SYVN1: variants seen among roughly 807,000 people sequenced by gnomAD.
SYVN1 encodes the protein E3 ubiquitin-protein ligase synoviolin.
SYVN1 carries 17 observed loss-of-function variants against 62.6 expected under a neutral mutation model. The observed-to-expected ratio is 0.27, with a 90% CI of 0.19 to 0.41. The LOEUF (loss-of-function observed/expected upper bound fraction) is 0.41. SYVN1 is among the 10% of genes least tolerant of loss of function. The pLI is 1.00. For missense variants in SYVN1, 634 were observed against 818.0 expected (o/e 0.78, Z 2.74); for synonymous variants, 316 against 304.0 (o/e 1.04, Z -0.41).
Position 65,127,340 on chromosome 11 carries a change from A to G in SYVN1, c.*1042T>C, listed in dbSNP as rs1948113733. On this transcript the variant is annotated 3_prime_UTR_variant, in exon 16 of 16. Coordinates refer to ENST00000377190, the MANE Select transcript of SYVN1 (RefSeq NM_172230.3). ...TTTAAGCTATTAAAATTTGTACAAT[A>G]TTTACAAATTAAATAATCATCTGAA... The G allele has an allele frequency of 2.8e-6, 1 of 363,586 alleles. No individual in the cohort carries two copies. The highest frequency in any genetic ancestry group is 4.9e-6 in the Non-Finnish European group (1 of 202,104). The allele number at this position is 363,586 out of a possible 1,614,324, so 22.5% of individuals were successfully genotyped here. A position where few individuals can be genotyped will look rare whatever the true frequency, so the allele number is the denominator to read the frequency against.
Position 65,132,306 on chromosome 11 carries a change from T to A in SYVN1, c.473A>T (p.His158Leu), listed in dbSNP as rs779526858. Residue 158 changes from histidine (H) to leucine (L), a missense_variant, in exon 6 of 16, where the codon CAC becomes CTC. His to Leu is a moderately conservative substitution (Grantham distance 99). Transcript: ENST00000377190. The part of the protein sequence containing the change: ...LGILDFLFVS[H>L]AYHSILTRGA... ...ACGGGTCAGGATGCTGTGATAGGCG[T>A]GGCTGACGAAGAGGAAGTCCAGGAT... The A allele has an allele frequency of 4.0e-5, 64 of 1,614,030 alleles. No homozygotes were observed. Among genetic ancestry groups the A allele is most frequent in the Non-Finnish European group, 5.2e-5 (61 of 1,180,008 alleles).
intron 9 of SYVN1, 36 bp from the exon 10 acceptor site, chr11:65,131,072 G>A: frequency 6.2e-7 from 1 of 1,613,448 alleles, no homozygotes; most frequent in Non-Finnish European, 8.5e-7. Flanking sequence ...CAGGTCCAGA[G>A]CTGGAAGCAG....
At chr11:65,128,952 T>C in intron 14 of SYVN1, 1 of 548,554 alleles carries the variant, frequency 1.8e-6, no homozygotes, top group Non-Finnish European at 3.2e-6. Context: ...GTTGACCTGT[T>C]CACTCTTACC....
chr11:65,131,877 T>G (rs965935128), intron 6 of SYVN1, among the ~76,000 whole-genome samples: 2 of 152,210 alleles, frequency 1.3e-5, no homozygotes, highest in Non-Finnish European at 2.9e-5. Flanking sequence ...TAGGGCCTGG[T>G]GTGAAATTCG....
chr11:65,131,047 T>A lies in SYVN1; in HGVS notation c.825-11A>T, dbSNP rs556041200. On this transcript the variant is annotated splice_polypyrimidine_tract_variant and intron_variant, in intron 9 of 15. Coordinates refer to ENST00000377190, the MANE Select transcript of SYVN1 (RefSeq NM_172230.3). ...GTGGCATCTGGATACCTGGTTAGGA[T>A]GACAGGGGCTGTATCAGGTCCAGAG... 4 of 1,613,996 alleles carry A rather than the reference T, an allele frequency of 2.5e-6. No individual in the cohort carries two copies. The highest frequency in any genetic ancestry group is 4.5e-5 in the East Asian group (2 of 44,886).
intron 4 of SYVN1, 37 bp downstream of exon 4, chr11:65,132,885 G>A: frequency 6.2e-7 from 1 of 1,613,540 alleles, no homozygotes. Flanking sequence ...CTACTCCCTG[G>A]CTTCCACCTG....
In SYVN1 at chr11:65,130,290, TG is replaced by T; in HGVS notation, c.1194del (p.Ser399AlafsTer86). The T allele has an allele frequency of 6.3e-7, 1 of 1,598,456 alleles. No individual in the cohort carries two copies. The highest frequency in any genetic ancestry group is 8.5e-7 in the Non-Finnish European group (1 of 1,172,152). ...MGPFPPVPPPPSSGEAVAPPS... is the reference protein window; with the variant it reads ...MGPFPPVPPPXSSGEAVAPPS... ...GGAGGAGCCACAGCCTCTCCTGAGC[TG>T]GGGGGAGGCGGGACAGGTGGAAAGG... On this transcript the variant is annotated frameshift_variant, in exon 12 of 16. Transcript: ENST00000377190. LOFTEE classifies it high-confidence loss of function.
intron 12 of SYVN1, 25 bp from the exon 13 acceptor site, chr11:65,130,200 G>C (rs1948159203): frequency 6.2e-7 from 1 of 1,608,230 alleles, no homozygotes; most frequent in Admixed American, 1.7e-5. Flanking sequence ...CGAAGTCAGT[G>C]AGTGTTCCAT....
chr11:65,128,434 G>A lies in SYVN1; in HGVS notation c.1802C>T (p.Ala601Val), dbSNP rs1239491762. Residue 601 changes from alanine to valine, a missense_variant, in exon 16 of 16, where the codon GCA becomes GTA. This residue lies in a region of SYVN1 where 351 missense variants were observed against 373.3 expected (regional missense o/e 0.94). Transcript: ENST00000377190. ...EMPEDGEPDAAELRRRRLQKL... is the reference protein window; with the variant it reads ...EMPEDGEPDAVELRRRRLQKL... ...CTGCAGGCGGCGCCGGCGGAGCTCT[G>A]CTGCATCGGGCTCTCCATCCTCAGG... 2 of 1,613,996 alleles carry A rather than the reference G, an allele frequency of 1.2e-6. No homozygotes were observed. Among genetic ancestry groups the A allele is most frequent in the Admixed American group, 3.3e-5 (2 of 60,002 alleles).
Position 65,132,966 on chromosome 11 carries a change from A to G in SYVN1, c.334T>C (p.Phe112Leu). 6.2e-7 allele frequency: 1 copy of G among 1,614,216 alleles called. No individual in the cohort carries two copies. The highest frequency in any genetic ancestry group is 8.5e-7 in the Non-Finnish European group (1 of 1,180,028). ...GCCAGCCAGTGGAAACATTTGAGGA[A>G]GAGAAGAAGAGTGAAGAGTGCAACA... is the stretch of plus-strand genomic sequence containing the variant. ...RFVALFTLLLFLKCFHWLAED... is the reference protein window; with the variant it reads ...RFVALFTLLLLLKCFHWLAED... Residue 112 changes from phenylalanine to leucine, a missense_variant, in exon 4 of 16, where the codon TTC becomes CTC. Physicochemically the swap from Phe to Leu is conservative, Grantham distance 22. This residue lies in a region of SYVN1 where 283 missense variants were observed against 444.7 expected (regional missense o/e 0.64). Transcript: ENST00000377190.
At position 65,129,887 on chromosome 11, in the gene SYVN1, C is replaced by T. The variant is rs1429318060; in HGVS notation, c.1437G>A (p.Ala479=). Residue 479 remains alanine (A), a synonymous_variant, in exon 14 of 16, where the codon GCG becomes GCA. Coordinates refer to ENST00000377190, the MANE Select transcript of SYVN1 (RefSeq NM_172230.3). ...CCTCTGGGGTCAGCCCAGCAAAGCC[C>T]GCAGGGGGCACAGGCATTGGGGGGA... ...FAFPPMPVPP[A]GFAGLTPEEL... is the part of the protein sequence containing the mutation. The T allele has an allele frequency of 1.3e-5, 21 of 1,613,860 alleles. No homozygotes were observed. The highest frequency in any genetic ancestry group is 1.6e-4 in the Middle Eastern group (1 of 6,084).
At position 65,132,945 on chromosome 11, in the gene SYVN1, G is replaced by C. The variant is rs759000206; in HGVS notation, c.355C>G (p.Leu119Val). 6.2e-7 allele frequency: 1 copy of C among 1,614,188 alleles called. No homozygotes were observed. The highest frequency in any genetic ancestry group is 8.5e-7 in the Non-Finnish European group (1 of 1,180,038). ...ACAAAGTCCACACGGTCCTCAGCCA[G>C]CCAGTGGAAACATTTGAGGAAGAGA... is the stretch of plus-strand genomic sequence containing the variant. ...LLLFLKCFHW[L>V]AEDRVDFMER... Residue 119 changes from leucine (L) to valine (V), a missense_variant, in exon 4 of 16, where the codon CTG becomes GTG. Physicochemically the swap from Leu to Val is conservative, Grantham distance 32. This residue lies in a region of SYVN1 where 283 missense variants were observed against 444.7 expected (regional missense o/e 0.64). Transcript: ENST00000377190.
chr11:65,129,624 G>A (rs2137239307), intron 14 of SYVN1, 105 bp downstream of exon 14: 2 of 1,115,326 alleles, frequency 1.8e-6, no homozygotes, highest in African/African-American at 1.5e-5. Context: ...TAGATAGGCA[G>A]CCTGAATTGG....
rs781040557 is a variant in SYVN1 at position 65,128,565 on chromosome 11, G to A, written c.1745C>T (p.Pro582Leu). 5 of 1,614,052 alleles carry A rather than the reference G, an allele frequency of 3.1e-6. No homozygotes were observed. In the Admixed American group the frequency reaches 5.0e-5, roughly 16 times the overall value. The change falls in exon 15 of 16, where the codon CCA becomes CTA. Residue 582 changes from proline to leucine, a missense_variant and splice_region_variant. Pro to Leu is a moderately conservative substitution (Grantham distance 98, BLOSUM62 -3). Transcript: ENST00000377190. ...SPPAPEMERP[P>L]APESVGTEEM... is the part of the protein sequence containing the mutation. ...GGCTGGAGGCCAATCACACCTACCTGGAGGCCTTTCCATTTCAGGGGCTGG... is the reference window on the plus strand; with the variant it reads ...GGCTGGAGGCCAATCACACCTACCTAGAGGCCTTTCCATTTCAGGGGCTGG...
At chr11:65,134,053 AGGCGACAGCGCC>A (rs1253971991) in intron 1 of SYVN1, among the ~76,000 whole-genome samples, 1 of 152,260 alleles carries the variant, frequency 6.6e-6, no homozygotes, top group Non-Finnish European at 1.5e-5. Flanking sequence ...CAGGCTGGGC[AGGCGACAGCGCC>A]GGTGACAGCT....
Position 65,130,836 on chromosome 11 carries a change from G to A in SYVN1, c.942-13C>T, listed in dbSNP as rs1481696578. The A allele has an allele frequency of 1.3e-6, 2 of 1,586,618 alleles. No homozygotes were observed. Among genetic ancestry groups the A allele is most frequent in the African/African-American group, 1.4e-5 (1 of 73,860 alleles). On this transcript the variant is annotated splice_polypyrimidine_tract_variant and intron_variant, in intron 10 of 15. Coordinates refer to ENST00000377190, the MANE Select transcript of SYVN1 (RefSeq NM_172230.3). ...GGAGCGCAGGCAGCTGCGGGTCAAG[G>A]CCAGGCAGAGGTCAGCAGGTCCCTA... is the stretch of plus-strand genomic sequence containing the variant.
At position 65,128,487 on chromosome 11, in the gene SYVN1, A is replaced by G. The variant is rs751274344; in HGVS notation, c.1749T>C (p.Ala583=). The change falls in exon 16 of 16, where the codon GCT becomes GCC. Residue 583 remains alanine, a splice_region_variant and synonymous_variant. Transcript: ENST00000377190. ...PPAPEMERPP[A]PESVGTEEMP... ...TCTCCTCTGTGCCCACTGACTCAGG[A>G]GCTGGGGACAGAGAGACTGGAAGTG... 28 of 1,613,754 alleles carry G rather than the reference A, an allele frequency of 1.7e-5. 1 individual carries two copies. Among genetic ancestry groups the G allele is most frequent in the Middle Eastern group, 3.3e-4 (2 of 6,058 alleles).
In SYVN1 at chr11:65,128,578, T is replaced by C. The variant is rs917604667; in HGVS notation, c.1732A>G (p.Met578Val). The C allele has an allele frequency of 6.2e-7, 1 of 1,613,858 alleles. No individual in the cohort carries two copies. Among genetic ancestry groups the C allele is most frequent in the Non-Finnish European group, 8.5e-7 (1 of 1,179,976 alleles). Reference protein sequence around the residue: ...TPGASPPAPEMERPPAPESVG... With the variant: ...TPGASPPAPEVERPPAPESVG... ...TCACACCTACCTGGAGGCCTTTCCA[T>C]TTCAGGGGCTGGTGGGGAGGCTCCT... Residue 578 changes from methionine (M) to valine (V), a missense_variant, in exon 15 of 16, where the codon ATG (methionine) becomes GTG (valine). Transcript: ENST00000377190.
At chr11:65,133,138 T>C (rs780260672) in intron 3 of SYVN1, 22 bp downstream of exon 3, 1 of 1,614,104 alleles carries the variant, frequency 6.2e-7, no homozygotes, top group Non-Finnish European at 8.5e-7. Flanking sequence ...TGCCCTCACC[T>C]TTGGGGCAGC....
Sources: allele counts gnomAD v4.1 joint callset (sites outside exome capture counted in the v4.1 genomes callset), GRCh38; gene constraint gnomAD v4.1.1; regional missense constraint gnomAD v4.1.1; transcripts MANE v1.5; gene names NCBI Gene and HGNC (gene_info 2026-07-23, HGNC 2026-07-21).